The following POU6F2 variants were observed in gnomAD, a reference collection of about 807,000 sequenced individuals.
The protein encoded by POU6F2 is POU domain, class 6, transcription factor 2.
Under a neutral mutation model 71.3 loss-of-function variants are expected in POU6F2, and 31 were observed. The observed-to-expected ratio is 0.43, with a 90% CI of 0.33 to 0.59. The LOEUF (loss-of-function observed/expected upper bound fraction) is 0.59. Among genes scored for constraint, POU6F2 ranks in the 20% least tolerant of loss-of-function variants. The pLI, the probability that POU6F2 is intolerant of heterozygous loss-of-function variation, is 0.04. For missense variants in POU6F2, 783 were observed against 856.8 expected (o/e 0.91, Z 1.07); for synonymous variants, 347 against 355.7 (o/e 0.98, Z 0.27).
chr7:39,075,085 G>A (rs759497744), intron 1 of POU6F2, among the ~76,000 whole-genome samples: 30 of 152,116 alleles, frequency 2.0e-4, no homozygotes, highest in Non-Finnish European at 3.7e-4. Flanking sequence ...GTTCGAGGTC[G>A]CAGGTGAGGC....
Position 39,464,852 on chromosome 7 carries a change from G to C in POU6F2, c.*166G>C, listed in dbSNP as rs558144161. On this transcript the variant is annotated 3_prime_UTR_variant, in exon 10 of 10. Coordinates refer to ENST00000518318, the MANE Select transcript of POU6F2 (RefSeq NM_001370959.1). This position sits in a 1 kb window ranked among gnomAD's most constrained non-coding sequence, Gnocchi z 4.1. Reference sequence around the variant, plus strand: ...AGAAAACTACCAAGTGGACAGAATGGTTTCTACATGTCCGTTGGTTTTCCA... The same window carrying C: ...AGAAAACTACCAAGTGGACAGAATGCTTTCTACATGTCCGTTGGTTTTCCA... 4 of 932,162 alleles carry C rather than the reference G, an allele frequency of 4.3e-6. No individual in the cohort carries two copies. The South Asian group carries it at 5.7e-5, about 13-fold the overall frequency. 57.7% of individuals were successfully genotyped at this position (932,162 alleles called of 1,614,324 possible).
Position 39,406,578 on chromosome 7 carries a change from G to A in POU6F2, c.973-22G>A, listed in dbSNP as rs774864814. On this transcript the variant is annotated intron_variant, in intron 5 of 9. Coordinates refer to ENST00000518318, the MANE Select transcript of POU6F2 (RefSeq NM_001370959.1). Reference sequence around the variant, plus strand: ...CCTGTGCCTCTCGGTGGTTTTCACGGTGATCTTTTCTCTCTTTGCAGCTGG... The same window carrying A: ...CCTGTGCCTCTCGGTGGTTTTCACGATGATCTTTTCTCTCTTTGCAGCTGG... The A allele has an allele frequency of 3.1e-6, 5 of 1,587,726 alleles. No homozygotes were observed. In the Admixed American group the frequency reaches 6.9e-5, roughly 22 times the overall value.
chr7:39,290,515 T>G (rs1174922507), intron 4 of POU6F2, among the ~76,000 whole-genome samples: 1 of 152,222 alleles, frequency 6.6e-6, no homozygotes, highest in Non-Finnish European at 1.5e-5. Context: ...GCTTTGCAAG[T>G]GCCATTTTTC....
chr7:39,280,269 G>A (rs140760595), intron 4 of POU6F2, among the ~76,000 whole-genome samples: 197 of 152,278 alleles, frequency 1.3e-3, no homozygotes, highest in Admixed American at 2.2e-3. Flanking sequence ...CTCCCCCAAG[G>A]TGTGTGCAGA....
chr7:39,441,634 G>A (rs1045821303), intron 7 of POU6F2, among the ~76,000 whole-genome samples: 2 of 152,162 alleles, frequency 1.3e-5, no homozygotes, highest in African/African-American at 2.4e-5. Context: ...GGAAGTGGAC[G>A]AGCATCAAAT....
chr7:39,167,230 AC>A (rs1004829602), intron 2 of POU6F2, among the ~76,000 whole-genome samples: 3 of 152,150 alleles, frequency 2.0e-5, no homozygotes, highest in African/African-American at 7.2e-5. Flanking sequence ...TGGCTAAAAA[AC>A]ATACTTGTCT....
intron 4 of POU6F2, among the ~76,000 whole-genome samples, chr7:39,219,838 A>G (rs1393724751): frequency 6.6e-6 from 1 of 152,206 alleles, no homozygotes; most frequent in Non-Finnish European, 1.5e-5. Flanking sequence ...GCATTATTTT[A>G]GAAATTCTTA....
At chr7:39,422,284 G>C (rs1787866632) in intron 6 of POU6F2, among the ~76,000 whole-genome samples, 1 of 152,136 alleles carries the variant, frequency 6.6e-6, no homozygotes, top group African/African-American at 2.4e-5. Context: ...TGAAGCATTA[G>C]ATCATATTTA....
At chr7:39,214,941 A>G (rs1359633828) in intron 4 of POU6F2, among the ~76,000 whole-genome samples, 3 of 152,196 alleles carry the variant, frequency 2.0e-5, no homozygotes, top group African/African-American at 7.2e-5. Flanking sequence ...TTAGAGATGA[A>G]CATACTTAAA....
chr7:39,111,368 T>C (rs1791809778), intron 2 of POU6F2, among the ~76,000 whole-genome samples: 1 of 152,212 alleles, frequency 6.6e-6, no homozygotes, highest in African/African-American at 2.4e-5. Flanking sequence ...TGAATTATTC[T>C]TAGTATTTAG....
At chr7:39,420,138 A>T (rs1037160459) in intron 6 of POU6F2, among the ~76,000 whole-genome samples, 3 of 152,184 alleles carry the variant, frequency 2.0e-5, no homozygotes, top group African/African-American at 7.2e-5. Context: ...ACATGGACAA[A>T]ACCAAAAATC....
intron 8 of POU6F2, among the ~76,000 whole-genome samples, chr7:39,459,831 CT>C (rs1788904021): frequency 6.6e-6 from 1 of 152,150 alleles, no homozygotes; most frequent in Non-Finnish European, 1.5e-5. Context: ...TGTCATTTCC[CT>C]TGATAAGTCC....
chr7:39,149,618 T>C (rs955660184), intron 2 of POU6F2, among the ~76,000 whole-genome samples: 5 of 152,218 alleles, frequency 3.3e-5, no homozygotes, highest in Non-Finnish European at 7.3e-5. Flanking sequence ...GTCTCTGAAC[T>C]TGTTCATCCT....
Position 39,318,459 on chromosome 7 carries a change from G to C in POU6F2, c.599-21183G>C, listed in dbSNP as rs530944218. On this transcript the variant is annotated intron_variant, in intron 4 of 9. Coordinates refer to ENST00000518318, the MANE Select transcript of POU6F2 (RefSeq NM_001370959.1). ...AGTCAATAAATATGTGCTGAACACT[G>C]AATGAACATTTCCAAAGAAAGAGAA... 1.5e-4 allele frequency among the ~76,000 whole-genome samples: 23 copies of C among 152,264 alleles called. No individual in the cohort carries two copies. In the South Asian group the frequency reaches 4.6e-3, roughly 30 times the overall value.
chr7:39,429,860 T>C (rs899634904), intron 6 of POU6F2, among the ~76,000 whole-genome samples: 1 of 152,226 alleles, frequency 6.6e-6, no homozygotes, highest in African/African-American at 2.4e-5. Flanking sequence ...TTGAAACATA[T>C]GTAGATGCAA....
At chr7:39,023,542 C>A (rs1789727591) in intron 1 of POU6F2, among the ~76,000 whole-genome samples, 1 of 152,018 alleles carries the variant, frequency 6.6e-6, no homozygotes, top group African/African-American at 2.4e-5. Context: ...AGGACAGTCT[C>A]CCTACAATGT....
intron 7 of POU6F2, among the ~76,000 whole-genome samples, chr7:39,436,680 AG>A (rs1300685396): frequency 6.6e-6 from 1 of 152,118 alleles, no homozygotes. Flanking sequence ...GTGGTGAGAG[AG>A]GGCATCCTTG....
At chr7:38,999,367 T>C (rs1356919970) in intron 1 of POU6F2, among the ~76,000 whole-genome samples, 3 of 152,134 alleles carry the variant, frequency 2.0e-5, no homozygotes, top group African/African-American at 4.8e-5. Flanking sequence ...TGCACAGGGT[T>C]TTCATAAAGG....
chr7:39,174,289 A>G (rs1793284963), intron 2 of POU6F2, among the ~76,000 whole-genome samples: 1 of 152,210 alleles, frequency 6.6e-6, no homozygotes. Flanking sequence ...CATCACAGTT[A>G]GAAAACACAC....
Sources: allele counts gnomAD v4.1 joint callset (sites outside exome capture counted in the v4.1 genomes callset), GRCh38; gene constraint gnomAD v4.1.1; non-coding constraint Gnocchi (gnomAD v3.1); transcripts MANE v1.5; gene names NCBI Gene and HGNC (gene_info 2026-07-23, HGNC 2026-07-21).